JAM2: variants seen among roughly 807,000 people sequenced by gnomAD.
JAM2 encodes the protein junctional adhesion molecule 2, also known as junctional adhesion molecule B.
In JAM2, 17 loss-of-function variants were observed where a neutral mutation model predicts 42.0. The ratio of observed to expected loss-of-function variants is 0.40; its 90% CI spans 0.28 to 0.61. The LOEUF (loss-of-function observed/expected upper bound fraction) is 0.61, where lower values mean the gene tolerates loss of function less well. JAM2 is among the 20% of genes least tolerant of loss of function. The probability of loss-of-function intolerance (pLI) is 0.37; values close to 1 mark genes in which losing one functional copy is unlikely to be tolerated. For synonymous variants in JAM2, 118 were observed against 128.6 expected, an observed-to-expected ratio of 0.92 and a Z score of 0.56; for missense variants, 319 against 358.3, an observed-to-expected ratio of 0.89 and a Z score of 0.89.
intron 9 of JAM2, 139 bp downstream of exon 9, chr21:25,712,521 G>A (rs1325938347): frequency 3.3e-6 from 2 of 608,442 alleles, no homozygotes; most frequent in African/African-American, 3.7e-5. Flanking sequence ...TTTAAAAGGA[G>A]CTAAGTAGAT....
intron 1 of JAM2, among the ~76,000 whole-genome samples, chr21:25,673,124 G>C (rs1389534778): frequency 6.6e-6 from 1 of 152,202 alleles, no homozygotes; most frequent in Non-Finnish European, 1.5e-5. Flanking sequence ...GTCTGATGAG[G>C]AGTGCCTGGT....
intron 1 of JAM2, among the ~76,000 whole-genome samples, chr21:25,682,923 T>C (rs2033669284): frequency 6.6e-6 from 1 of 152,086 alleles, no homozygotes; most frequent in Non-Finnish European, 1.5e-5. Context: ...CTCATCTATC[T>C]TTCTTTGCCC....
chr21:25,680,151 T>C (rs1056776597), intron 1 of JAM2, among the ~76,000 whole-genome samples: 6 of 152,232 alleles, frequency 3.9e-5, no homozygotes, highest in African/African-American at 9.6e-5. Context: ...CTTCCTTCTC[T>C]GTACTCTAAG....
At position 25,698,743 on chromosome 21, in the gene JAM2, G is replaced by A. The variant is rs550982612; in HGVS notation, c.461G>A (p.Arg154Gln). 15 of 1,614,094 alleles carry A rather than the reference G, an allele frequency of 9.3e-6. No homozygotes were observed. Among genetic ancestry groups the A allele is most frequent in the South Asian group, 3.3e-5 (3 of 91,072 alleles). ...CTGAGTGGAACTGTGGTAGAGCTAC[G>A]ATGTCAAGACAAAGAAGGGAATCCA... ...SALSGTVVEL[R>Q]CQDKEGNPAP... The change falls in exon 5 of 10, where the codon CGA (arginine) becomes CAA (glutamine). Residue 154 changes from arginine to glutamine, a missense_variant. Physicochemically the swap from Arg to Gln is conservative, Grantham distance 43. Transcript: ENST00000480456.
chr21:25,691,643 T>C (rs1455261860), intron 3 of JAM2, among the ~76,000 whole-genome samples: 1 of 152,234 alleles, frequency 6.6e-6, no homozygotes, highest in African/African-American at 2.4e-5. Flanking sequence ...TTCCAGTCAA[T>C]TAAACCAGAC....
At chr21:25,645,319 C>G (rs1471628201) in intron 1 of JAM2, among the ~76,000 whole-genome samples, 2 of 152,206 alleles carry the variant, frequency 1.3e-5, no homozygotes, top group African/African-American at 4.8e-5. Flanking sequence ...TCAGTTTACT[C>G]ATCAGTGTTG....
intron 9 of JAM2, among the ~76,000 whole-genome samples, chr21:25,713,105 C>T (rs2034415617): frequency 6.6e-6 from 1 of 152,126 alleles, no homozygotes; most frequent in African/African-American, 2.4e-5. Flanking sequence ...CATGAAGGTC[C>T]TGCCCTCATC....
In JAM2 at chr21:25,642,248, C is replaced by T. The variant is rs551592302; in HGVS notation, c.67+2360C>T. Among the ~76,000 whole-genome samples, 303 of 152,136 alleles carry T rather than the reference C, an allele frequency of 2.0e-3. 2 individuals carry two copies. Among genetic ancestry groups the T allele is most frequent in the African/African-American group, 7.0e-3 (290 of 41,490 alleles). ...GAGTTATGCTCCATCTCCTTGAAGG[C>T]GGAGTATCTTCATAAATTATTTGGA... On this transcript the variant is annotated intron_variant, in intron 1 of 9. Coordinates refer to ENST00000480456, the MANE Select transcript of JAM2 (RefSeq NM_021219.4).
chr21:25,671,497 A>G (rs2033360409), intron 1 of JAM2, among the ~76,000 whole-genome samples: 1 of 151,802 alleles, frequency 6.6e-6, no homozygotes, highest in African/African-American at 2.4e-5. Context: ...GAAAAAGATT[A>G]TCTTTTTCTT....
chr21:25,675,148 T>C (rs913537758), intron 1 of JAM2, among the ~76,000 whole-genome samples: 1 of 152,060 alleles, frequency 6.6e-6, no homozygotes, highest in Non-Finnish European at 1.5e-5. Flanking sequence ...TCACATGGTG[T>C]GACAGGCATC....
At chr21:25,648,732 C>T (rs1002338213) in intron 1 of JAM2, among the ~76,000 whole-genome samples, 3 of 152,102 alleles carry the variant, frequency 2.0e-5, no homozygotes, top group African/African-American at 7.2e-5. Context: ...CTGAGCTGTA[C>T]TGTTACAATT....
At chr21:25,667,400 C>T (rs537623531) in intron 1 of JAM2, among the ~76,000 whole-genome samples, 22 of 152,236 alleles carry the variant, frequency 1.4e-4, no homozygotes, top group Middle Eastern at 3.4e-3. Flanking sequence ...CTCATCACGT[C>T]GGCATTTTAT....
In JAM2 at chr21:25,657,099, AT is replaced by A. The variant is rs201754791; in HGVS notation, c.67+17221del. ...TTCAGAGAACAATGGACTTAGATCT[AT>A]TTTTTTTTTCTTTTTTGGGATGGGA... On this transcript the variant is annotated intron_variant, in intron 1 of 9. Coordinates refer to ENST00000480456, the MANE Select transcript of JAM2 (RefSeq NM_021219.4). 1.1e-4 allele frequency among the ~76,000 whole-genome samples: 17 copies of A among 149,954 alleles called. 1 individual carries two copies. The East Asian group carries it at 1.6e-3, about 14-fold the overall frequency.
At chr21:25,680,844 G>T (rs574915124) in intron 1 of JAM2, among the ~76,000 whole-genome samples, 1 of 152,002 alleles carries the variant, frequency 6.6e-6, no homozygotes. Flanking sequence ...GGAGGAAGAA[G>T]AACTCACAAA....
chr21:25,669,605 A>G (rs2033309781), intron 1 of JAM2, among the ~76,000 whole-genome samples: 1 of 152,164 alleles, frequency 6.6e-6, no homozygotes, highest in African/African-American at 2.4e-5. Flanking sequence ...CTAAGCAATT[A>G]TGTACATGAT....
In JAM2 at chr21:25,639,860, G is replaced by A; in HGVS notation, c.39G>A (p.Leu13=). 3 of 1,595,438 alleles carry A rather than the reference G, an allele frequency of 1.9e-6. No individual in the cohort carries two copies. Among genetic ancestry groups the A allele is most frequent in the Non-Finnish European group, 2.6e-6 (3 of 1,172,524 alleles). ...RRSRHRLLLL[L]LRYLVVALGY... Reference sequence around the variant, plus strand: ...GCCGCCACCGCCTCCTCCTGCTGCTGCTGCGCTACCTGGTGGTCGCCCTGG... The same window carrying A: ...GCCGCCACCGCCTCCTCCTGCTGCTACTGCGCTACCTGGTGGTCGCCCTGG... Residue 13 remains leucine (L), a synonymous_variant, in exon 1 of 10, where the codon CTG becomes CTA. Transcript: ENST00000480456.
At chr21:25,647,475 TC>T (rs2032647423) in intron 1 of JAM2, among the ~76,000 whole-genome samples, 1 of 152,190 alleles carries the variant, frequency 6.6e-6, no homozygotes, top group East Asian at 1.9e-4. Context: ...TGCACCTTGC[TC>T]CAAAAAGTTA....
At chr21:25,657,899 A>G (rs2032982086) in intron 1 of JAM2, among the ~76,000 whole-genome samples, 1 of 152,202 alleles carries the variant, frequency 6.6e-6, no homozygotes, top group Non-Finnish European at 1.5e-5. Flanking sequence ...CCTGTTTTGG[A>G]AGGAAGCAAG....
At chr21:25,695,788 C>T (rs1466625653) in intron 4 of JAM2, among the ~76,000 whole-genome samples, 5 of 151,226 alleles carry the variant, frequency 3.3e-5, no homozygotes, top group East Asian at 2.0e-4. Flanking sequence ...ACCTCCCAGA[C>T]GGGGTCGCGG....
Sources: gnomAD v4.1 joint callset for allele counts (sites outside exome capture counted in the v4.1 genomes callset) on GRCh38, gnomAD v4.1.1 for gene constraint, MANE v1.5 for transcripts, NCBI Gene and HGNC (gene_info 2026-07-23, HGNC 2026-07-21) for gene names.